RALGAPA2: variants seen among roughly 807,000 people sequenced by gnomAD.
The protein encoded by RALGAPA2 is Ral GTPase activating protein catalytic subunit alpha 2.
RALGAPA2 carries 139 observed loss-of-function variants against 230.4 expected under a neutral mutation model. That is an observed-to-expected ratio of 0.60 (90% confidence interval 0.53 to 0.69). The LOEUF is 0.69. RALGAPA2 is among the 30% of genes least tolerant of loss of function. The probability of loss-of-function intolerance (pLI) is 0.00; values close to 1 mark genes in which losing one functional copy is unlikely to be tolerated. For missense variants in RALGAPA2, 2,163 were observed against 2,276.0 expected (o/e 0.95, Z 1.01); for synonymous variants, 847 against 837.8 (o/e 1.01, Z -0.19).
At chr20:20,575,963 T>C (rs2145958313) in intron 20 of RALGAPA2, among the ~76,000 whole-genome samples, 1 of 152,298 alleles carries the variant, frequency 6.6e-6, no homozygotes, top group East Asian at 1.9e-4. Context: ...CTGTCTTTAA[T>C]AATATGCATT....
At chr20:20,690,976 T>G (rs2068882910) in intron 1 of RALGAPA2, among the ~76,000 whole-genome samples, 1 of 152,152 alleles carries the variant, frequency 6.6e-6, no homozygotes, top group African/African-American at 2.4e-5. Flanking sequence ...TCACTCCTGG[T>G]GGTTTCAACA....
At chr20:20,394,483 T>G (rs1265843438) in intron 39 of RALGAPA2, among the ~76,000 whole-genome samples, 1 of 152,004 alleles carries the variant, frequency 6.6e-6, no homozygotes, top group African/African-American at 2.4e-5. Context: ...ACAAAAACAT[T>G]GCAAAACTTA....
chr20:20,628,952 A>G (rs2066580287), intron 10 of RALGAPA2, among the ~76,000 whole-genome samples: 1 of 152,184 alleles, frequency 6.6e-6, no homozygotes, highest in South Asian at 2.1e-4. Flanking sequence ...GTTTTTGCAG[A>G]AACCTCCAGC....
At chr20:20,439,816 C>A (rs1311249965) in intron 37 of RALGAPA2, among the ~76,000 whole-genome samples, 1 of 152,194 alleles carries the variant, frequency 6.6e-6, no homozygotes, top group Non-Finnish European at 1.5e-5. Context: ...GTACAAGGTG[C>A]TGTTCAGCTG....
intron 3 of RALGAPA2, among the ~76,000 whole-genome samples, chr20:20,672,431 T>A (rs2068167338): frequency 6.6e-6 from 1 of 152,132 alleles, no homozygotes; most frequent in Admixed American, 6.5e-5. Flanking sequence ...AAAAGATGTC[T>A]AAAAATGAAC....
intron 31 of RALGAPA2, among the ~76,000 whole-genome samples, chr20:20,516,135 C>T (rs1048950869): frequency 5.3e-5 from 8 of 152,164 alleles, no homozygotes; most frequent in Non-Finnish European, 8.8e-5. Flanking sequence ...TGGAACATTA[C>T]CCTGAAAACC....
At chr20:20,482,523 G>C (rs2061803075) in intron 36 of RALGAPA2, among the ~76,000 whole-genome samples, 1 of 152,152 alleles carries the variant, frequency 6.6e-6, no homozygotes, top group South Asian at 2.1e-4. Context: ...GATGAGGTGG[G>C]TCTGGCTCTC....
intron 21 of RALGAPA2, 41 bp downstream of exon 21, chr20:20,572,834 T>G (rs200849145): frequency 7.1e-7 from 1 of 1,400,304 alleles, no homozygotes. Context: ...GATAAGACCA[T>G]TTTCCTGGAT....
chr20:20,391,542 G>A lies in RALGAPA2; in HGVS notation c.*1747C>T, dbSNP rs1418634423. 1 of 152,188 alleles carries A rather than the reference G, an allele frequency of 6.6e-6. No individual in the cohort carries two copies. The highest frequency in any genetic ancestry group is 2.4e-5 in the African/African-American group (1 of 41,436). 9.4% of individuals were successfully genotyped at this position (152,188 alleles called of 1,614,324 possible). On this transcript the variant is annotated 3_prime_UTR_variant, in exon 40 of 40. Coordinates refer to ENST00000202677, the MANE Select transcript of RALGAPA2 (RefSeq NM_020343.4). The stretch of plus-strand genomic sequence containing the variant: ...CCAGGATGAGCAGGCCCGCCCTTCC[G>A]ACAGGAACGACTGGCTCAGCTCTTT...
chr20:20,596,508 A>G (rs569822742), intron 16 of RALGAPA2, among the ~76,000 whole-genome samples: 1 of 152,276 alleles, frequency 6.6e-6, no homozygotes, highest in Non-Finnish European at 1.5e-5. Context: ...TCAATACTCT[A>G]ATGTGCCAAC....
intron 22 of RALGAPA2, 37 bp from the exon 23 acceptor site, chr20:20,571,650 C>G: frequency 6.3e-7 from 1 of 1,589,906 alleles, no homozygotes; most frequent in Non-Finnish European, 8.6e-7. Context: ...TAAATCAAGC[C>G]CAGGTGCAGA....
In RALGAPA2 at chr20:20,571,448, C is replaced by T. The variant is rs6035650; in HGVS notation, c.3156+10G>A. ...TAATGGGCAATCACAATAAAGGAGT[C>T]GCAGAATACCTGATCCTCGCTGGTT... On this transcript the variant is annotated intron_variant, in intron 23 of 39. Coordinates refer to ENST00000202677, the MANE Select transcript of RALGAPA2 (RefSeq NM_020343.4). 3.4e-4 allele frequency: 551 copies of T among 1,605,160 alleles called. 1 individual carries two copies. In the African/African-American group the frequency reaches 6.4e-3, roughly 19 times the overall value.
chr20:20,396,016 G>T (rs1331586194), intron 39 of RALGAPA2, among the ~76,000 whole-genome samples: 1 of 152,190 alleles, frequency 6.6e-6, no homozygotes, highest in African/African-American at 2.4e-5. Flanking sequence ...CACGGGACAG[G>T]GTTTTCAGAC....
At chr20:20,531,590 A>T (rs1336087422) in intron 27 of RALGAPA2, 97 bp downstream of exon 27, 1 of 1,041,658 alleles carries the variant, frequency 9.6e-7, no homozygotes, top group East Asian at 2.6e-5. Flanking sequence ...TCCCTCTGTC[A>T]TTTGGGGGAT....
At chr20:20,521,223 G>A (rs1602634606) in intron 30 of RALGAPA2, 123 bp from the exon 31 acceptor site, 1 of 727,952 alleles carries the variant, frequency 1.4e-6, no homozygotes, top group East Asian at 2.7e-5. Context: ...GAAATGGAAT[G>A]ACCACTCTTA....
intron 1 of RALGAPA2, among the ~76,000 whole-genome samples, chr20:20,692,018 A>G (rs2068930724): frequency 6.6e-6 from 1 of 152,130 alleles, no homozygotes; most frequent in African/African-American, 2.4e-5. Flanking sequence ...TTATCATGTG[A>G]CGCCCACTCC....
intron 3 of RALGAPA2, chr20:20,659,876 A>C (rs1345170678): frequency 1.9e-6 from 1 of 516,812 alleles, no homozygotes; most frequent in Non-Finnish European, 3.7e-6. Flanking sequence ...CATCCCCTAC[A>C]GTACAACTAC....
At chr20:20,402,816 C>G (rs969641505) in intron 38 of RALGAPA2, among the ~76,000 whole-genome samples, 9 of 152,214 alleles carry the variant, frequency 5.9e-5, no homozygotes, top group Non-Finnish European at 1.2e-4. Context: ...CAGCACTCTG[C>G]TGCTTCACAT....
intron 37 of RALGAPA2, among the ~76,000 whole-genome samples, chr20:20,426,210 G>A (rs1458986446): frequency 2.6e-5 from 4 of 152,106 alleles, no homozygotes; most frequent in African/African-American, 9.7e-5. Flanking sequence ...TCACTGTTAG[G>A]TTAAAAAAAA....
Sources: allele counts gnomAD v4.1 joint callset (sites outside exome capture counted in the v4.1 genomes callset), GRCh38; gene constraint gnomAD v4.1.1; transcripts MANE v1.5; gene names NCBI Gene and HGNC (gene_info 2026-07-23, HGNC 2026-07-21).